The following MGAT5 variants were observed in gnomAD, a reference collection of about 807,000 sequenced individuals.
The protein encoded by MGAT5 is alpha-1,6-mannosylglycoprotein 6-beta-N-acetylglucosaminyltransferase A.
Under a neutral mutation model 94.3 loss-of-function variants are expected in MGAT5, and 30 were observed. The observed-to-expected ratio is 0.32, with a 90% CI of 0.24 to 0.43. The LOEUF is 0.43. MGAT5 is among the 20% of genes least tolerant of loss of function. The pLI, the probability that MGAT5 is intolerant of heterozygous loss-of-function variation, is 1.00. For missense variants in MGAT5, 691 were observed against 905.5 expected, an observed-to-expected ratio of 0.76 and a Z score of 3.04; for synonymous variants, 310 against 322.9, an observed-to-expected ratio of 0.96 and a Z score of 0.43.
chr2:134,407,835 G>A (rs1239055282), intron 11 of MGAT5, among the ~76,000 whole-genome samples: 1 of 150,482 alleles, frequency 6.6e-6, no homozygotes, highest in Admixed American at 6.6e-5. Context: ...GTAAAATGTG[G>A]TTCTGTGACT....
At chr2:134,336,130 T>A in intron 4 of MGAT5, 87 bp from the exon 5 acceptor site, 2 of 1,009,556 alleles carry the variant, frequency 2.0e-6, no homozygotes, top group East Asian at 4.9e-5. Flanking sequence ...GTGCTAGTTG[T>A]GTGCCAGGAG....
At chr2:134,420,722 C>T (rs1684246095) in intron 12 of MGAT5, among the ~76,000 whole-genome samples, 1 of 152,076 alleles carries the variant, frequency 6.6e-6, no homozygotes, top group African/African-American at 2.4e-5. Context: ...ACTGGCAAAC[C>T]CAATATTTCC....
intron 4 of MGAT5, among the ~76,000 whole-genome samples, chr2:134,333,988 A>G (rs1688171145): frequency 6.6e-6 from 1 of 151,914 alleles, no homozygotes; most frequent in Non-Finnish European, 1.5e-5. Flanking sequence ...TACAAAAACA[A>G]CCTTAAAAAC....
At chr2:134,355,341 CT>C (rs3838500) in intron 9 of MGAT5, among the ~76,000 whole-genome samples, 32,317 of 151,584 alleles carry the variant, frequency 0.21, 3,505 homozygotes, top group Middle Eastern at 0.36. Flanking sequence ...AATATATCAT[CT>C]TTTTTTTTCC....
chr2:134,266,282 G>A (rs1683711251), intron 1 of MGAT5, among the ~76,000 whole-genome samples: 1 of 152,100 alleles, frequency 6.6e-6, no homozygotes, highest in Non-Finnish European at 1.5e-5. Flanking sequence ...GTGCAGCGGT[G>A]CAATCTTGGC....
Position 134,453,965 on chromosome 2 carries a change from G to T in MGAT5, c.*5118G>T, listed in dbSNP as rs1171876831. ...GATTGCAGGTGTGGAATTTGCTGGA[G>T]TTTGGTGACTTCGTCAAATTCCTTT... On this transcript the variant is annotated 3_prime_UTR_variant, in exon 16 of 16. Transcript: ENST00000281923. The T allele has an allele frequency of 6.6e-6, 1 of 152,200 alleles. No homozygotes were observed. Among genetic ancestry groups the T allele is most frequent in the Non-Finnish European group, 1.5e-5 (1 of 68,054 alleles). 9.4% of individuals were successfully genotyped at this position (152,200 alleles called of 1,614,324 possible).
intron 1 of MGAT5, among the ~76,000 whole-genome samples, chr2:134,215,406 C>A (rs1325121493): frequency 6.6e-6 from 1 of 152,084 alleles, no homozygotes; most frequent in African/African-American, 2.4e-5. Flanking sequence ...CTGGGAAGTT[C>A]AAGACTGGGT....
chr2:134,167,713 T>C (rs1004929720), intron 1 of MGAT5, among the ~76,000 whole-genome samples: 2 of 152,244 alleles, frequency 1.3e-5, no homozygotes, highest in African/African-American at 4.8e-5. Flanking sequence ...AAAGGGAATC[T>C]GTTCTTTGTG....
rs147543986 is a variant in MGAT5 at position 134,400,511 on chromosome 2, C to T, written c.1381-2477C>T. 7.3e-3 allele frequency among the ~76,000 whole-genome samples: 1,106 copies of T among 152,238 alleles called. 7 individuals carry two copies. Among genetic ancestry groups the T allele is most frequent in the African/African-American group, 0.025 (1,032 of 41,540 alleles). On this transcript the variant is annotated intron_variant, in intron 10 of 15. Transcript: ENST00000281923. ...TCTTTATATTTGCCTGAACTTGCCC[C>T]CTTGTTATACTTCAAGAAACCCCAG...
At chr2:134,219,575 T>C (rs1320965609) in intron 1 of MGAT5, among the ~76,000 whole-genome samples, 1 of 152,028 alleles carries the variant, frequency 6.6e-6, no homozygotes, top group African/African-American at 2.4e-5. Flanking sequence ...TGCCCCGGAG[T>C]GCCACAGCAA....
At position 134,267,786 on chromosome 2, in the gene MGAT5, A is replaced by G. The variant is rs139031808; in HGVS notation, c.242-2600A>G. Among the ~76,000 whole-genome samples, 1,028 of 152,356 alleles carry G rather than the reference A, an allele frequency of 6.7e-3. 8 individuals are homozygous for G. The highest frequency in any genetic ancestry group is 0.02 in the Middle Eastern group (6 of 294). On this transcript the variant is annotated intron_variant, in intron 1 of 15. Transcript: ENST00000281923. Reference sequence around the variant, plus strand: ...TTAGCTCCCCCATAGGGAGGAAGGCAGACTTCTCTCACTGCAACTTTCTGT... The same window carrying G: ...TTAGCTCCCCCATAGGGAGGAAGGCGGACTTCTCTCACTGCAACTTTCTGT...
chr2:134,160,996 C>T (rs913811479), intron 1 of MGAT5, among the ~76,000 whole-genome samples: 1 of 152,240 alleles, frequency 6.6e-6, no homozygotes, highest in African/African-American at 2.4e-5. Context: ...TAGCAGAGAA[C>T]ATCTGTGAGC....
At chr2:134,204,113 A>C (rs1679922618) in intron 1 of MGAT5, among the ~76,000 whole-genome samples, 1 of 152,200 alleles carries the variant, frequency 6.6e-6, no homozygotes. Context: ...TGCTGTTTAC[A>C]TGGAGATTCT....
Position 134,452,553 on chromosome 2 carries a change from A to G in MGAT5, c.*3706A>G, listed in dbSNP as rs1686159993. The G allele has an allele frequency of 6.6e-6, 1 of 152,166 alleles. No individual in the cohort carries two copies. Among genetic ancestry groups the G allele is most frequent in the South Asian group, 2.1e-4 (1 of 4,838 alleles). The allele number at this position is 152,166 out of a possible 1,614,324, so 9.4% of individuals were successfully genotyped here. On this transcript the variant is annotated 3_prime_UTR_variant, in exon 16 of 16. Transcript: ENST00000281923. The stretch of plus-strand genomic sequence containing the variant: ...CATCAGTATGATGTGTTGGACTGAA[A>G]CTGTATGTCTGTAGGTAGGTGTGTG...
At chr2:134,401,025 G>T (rs1049213900) in intron 10 of MGAT5, among the ~76,000 whole-genome samples, 1 of 151,940 alleles carries the variant, frequency 6.6e-6, no homozygotes, top group Non-Finnish European at 1.5e-5. Context: ...TTTCTCCTCT[G>T]TCTCTCTGCT....
intron 14 of MGAT5, among the ~76,000 whole-genome samples, chr2:134,434,782 T>C (rs1685078603): frequency 6.6e-6 from 1 of 152,226 alleles, no homozygotes; most frequent in Non-Finnish European, 1.5e-5. Flanking sequence ...TTTCTGCAAG[T>C]GGCCTGCGCA....
At chr2:134,229,103 T>TC (rs1681217168) in intron 1 of MGAT5, among the ~76,000 whole-genome samples, 1 of 152,212 alleles carries the variant, frequency 6.6e-6, no homozygotes, top group Non-Finnish European at 1.5e-5. Flanking sequence ...TAGTATGTTT[T>TC]CCATCTGCTC....
intron 2 of MGAT5, among the ~76,000 whole-genome samples, chr2:134,286,462 C>T (rs1468808551): frequency 2.6e-5 from 4 of 151,700 alleles, no homozygotes; most frequent in African/African-American, 9.7e-5. Flanking sequence ...GATGGAGTCT[C>T]GCTCTATTGC....
rs183618978 is a variant in MGAT5, at chr2:134,333,355, G to A, written c.574-2862G>A. ...AAGGACACAAAACCAAACACCGCAT[G>A]TTCTCACTCATAGGTGGGAATTGAA... is the stretch of plus-strand genomic sequence containing the variant. On this transcript the variant is annotated intron_variant, in intron 4 of 15. Coordinates refer to ENST00000281923, the MANE Select transcript of MGAT5 (RefSeq NM_002410.5). Among the ~76,000 whole-genome samples the A allele has an allele frequency of 5.2e-3, 754 of 145,648 alleles. 3 individuals carry two copies. The highest frequency in any genetic ancestry group is 0.025 in the East Asian group (120 of 4,858).
Sources: gnomAD v4.1 joint callset for allele counts (sites outside exome capture counted in the v4.1 genomes callset) on GRCh38, gnomAD v4.1.1 for gene constraint, MANE v1.5 for transcripts, NCBI Gene and HGNC (gene_info 2026-07-23, HGNC 2026-07-21) for gene names.